SCN10A: variants seen among roughly 807,000 people sequenced by gnomAD.
The protein encoded by SCN10A is sodium voltage-gated channel alpha subunit 10, also known as sodium channel protein type 10 subunit alpha.
SCN10A carries 162 observed loss-of-function variants against 170.7 expected under a neutral mutation model. The ratio of observed to expected loss-of-function variants is 0.95; its 90% CI spans 0.84 to 1.08. The LOEUF (loss-of-function observed/expected upper bound fraction) is 1.08. Among genes scored for constraint, SCN10A ranks in the 50% least tolerant of loss-of-function variants. The probability of loss-of-function intolerance (pLI) is 0.00; values close to 1 mark genes in which losing one functional copy is unlikely to be tolerated. For missense variants in SCN10A, 2,527 were observed against 2,436.9 expected (o/e 1.04, Z -0.78); for synonymous variants, 985 against 904.6 (o/e 1.09, Z -1.59).
Position 38,725,334 on chromosome 3 carries a change from A to C in SCN10A, c.3088-20T>G, listed in dbSNP as rs11129804. 32 of 1,554,032 alleles carry C rather than the reference A, an allele frequency of 2.1e-5. No individual in the cohort carries two copies. In the African/African-American group the frequency reaches 2.2e-4, roughly 10 times the overall value. ...CTCCTGCTAGTGAGAGAGGGTCCCA[A>C]CTGGGTGCCTGGCCCCACCCTTAGA... On this transcript the variant is annotated intron_variant, in intron 17 of 27. Transcript: ENST00000449082.
intron 8 of SCN10A, among the ~76,000 whole-genome samples, chr3:38,758,190 T>C (rs550538024): frequency 6.6e-6 from 1 of 152,306 alleles, no homozygotes; most frequent in African/African-American, 2.4e-5. Flanking sequence ...AACTTAATTC[T>C]AATCAGTTCC....
In SCN10A at chr3:38,751,080, G is replaced by A. The variant is rs1334387418; in HGVS notation, c.1756-896C>T. Among the ~76,000 whole-genome samples the A allele has an allele frequency of 4.6e-5, 7 of 152,282 alleles. No homozygotes were observed. The South Asian group carries it at 1.2e-3, about 27-fold the overall frequency. On this transcript the variant is annotated intron_variant, in intron 12 of 27. Coordinates refer to ENST00000449082, the MANE Select transcript of SCN10A (RefSeq NM_006514.4). ...GGTTCTGGCCAGGTTTGGTTAATGG[G>A]AGACATAGGCAGGACATTCAAGGAT...
chr3:38,761,884 T>C (rs1199557102), intron 6 of SCN10A, among the ~76,000 whole-genome samples: 1 of 142,624 alleles, frequency 7.0e-6, no homozygotes, highest in South Asian at 2.3e-4. Flanking sequence ...GAGAGAGAGA[T>C]GCAAGAGAGA....
At chr3:38,783,525 G>A (rs2064163455) in intron 4 of SCN10A, among the ~76,000 whole-genome samples, 1 of 151,880 alleles carries the variant, frequency 6.6e-6, no homozygotes, top group South Asian at 2.1e-4. Context: ...TTATTGTTGT[G>A]CAGCACTAAA....
At chr3:38,788,292 C>A (rs1038352879) in intron 4 of SCN10A, among the ~76,000 whole-genome samples, 8 of 149,912 alleles carry the variant, frequency 5.3e-5, no homozygotes, top group Non-Finnish European at 8.9e-5. Flanking sequence ...TAGGTTCAAG[C>A]TGGAGTGGAA....
chr3:38,763,626 TGCAA>T (rs1301504763), intron 5 of SCN10A, 30 bp from the exon 6 acceptor site: 2 of 1,549,930 alleles, frequency 1.3e-6, no homozygotes, highest in Admixed American at 1.7e-5. Flanking sequence ...TCAGCATCTC[TGCAA>T]GCAAGGGTCC....
At chr3:38,763,220 C>T (rs1406157435) in intron 6 of SCN10A, among the ~76,000 whole-genome samples, 2 of 152,112 alleles carry the variant, frequency 1.3e-5, no homozygotes, top group Non-Finnish European at 1.5e-5. Context: ...ACAACCAGAA[C>T]AGAAAGTGAA....
At chr3:38,813,547 C>T (rs537707673) in intron 1 of SCN10A, among the ~76,000 whole-genome samples, 1 of 152,182 alleles carries the variant, frequency 6.6e-6, no homozygotes, top group African/African-American at 2.4e-5. Flanking sequence ...GGCCATGTCA[C>T]AATTGATGAA....
At chr3:38,808,033 C>T (rs2064416426) in intron 1 of SCN10A, among the ~76,000 whole-genome samples, 1 of 152,208 alleles carries the variant, frequency 6.6e-6, no homozygotes. Context: ...AAAGGCTTCT[C>T]AACCTCTTTG....
At chr3:38,764,270 C>G (rs1410290355) in intron 5 of SCN10A, among the ~76,000 whole-genome samples, 1 of 152,160 alleles carries the variant, frequency 6.6e-6, no homozygotes, top group Non-Finnish European at 1.5e-5. Context: ...TTGGGTTGCA[C>G]AGAAAAATTC....
intron 14 of SCN10A, among the ~76,000 whole-genome samples, chr3:38,741,386 C>T (rs768526554): frequency 2.6e-5 from 4 of 152,058 alleles, no homozygotes; most frequent in Non-Finnish European, 5.9e-5. Context: ...GCCGGTCTGT[C>T]TGGGTTCAAA....
chr3:38,786,691 T>G (rs930184536), intron 4 of SCN10A, among the ~76,000 whole-genome samples: 6 of 152,260 alleles, frequency 3.9e-5, no homozygotes, highest in Admixed American at 6.5e-5. Flanking sequence ...CACCTAGAAT[T>G]GATTCTTGTG....
intron 1 of SCN10A, among the ~76,000 whole-genome samples, chr3:38,802,694 T>C (rs919516558): frequency 6.6e-6 from 1 of 151,982 alleles, no homozygotes; most frequent in Non-Finnish European, 1.5e-5. Context: ...ACCATAAAAA[T>C]CCTAGAAGAA....
At chr3:38,814,391 T>C (rs531950267) in intron 1 of SCN10A, among the ~76,000 whole-genome samples, 45 of 152,266 alleles carry the variant, frequency 3.0e-4, no homozygotes, top group Non-Finnish European at 4.4e-4. Context: ...AAGGGGAATC[T>C]TGGGGCTGAC....
intron 11 of SCN10A, among the ~76,000 whole-genome samples, chr3:38,753,427 C>T (rs1053278113): frequency 2.0e-5 from 3 of 152,162 alleles, no homozygotes; most frequent in African/African-American, 7.2e-5. Flanking sequence ...TCCTTAACTC[C>T]TTTTTATTAC....
chr3:38,776,288 C>T (rs941698756), intron 4 of SCN10A, among the ~76,000 whole-genome samples: 11 of 152,014 alleles, frequency 7.2e-5, no homozygotes, highest in Non-Finnish European at 1.6e-4. Context: ...CAATGGAGGC[C>T]ATTCATTACT....
intron 27 of SCN10A, among the ~76,000 whole-genome samples, chr3:38,699,141 T>C (rs1324591042): frequency 6.6e-6 from 1 of 151,564 alleles, no homozygotes; most frequent in Non-Finnish European, 1.5e-5. Context: ...GGCAACTGGC[T>C]GACAGCTAAA....
At chr3:38,708,417 C>T (rs1426041435) in intron 25 of SCN10A, among the ~76,000 whole-genome samples, 1 of 152,136 alleles carries the variant, frequency 6.6e-6, no homozygotes, top group Non-Finnish European at 1.5e-5. Context: ...ATGATTGCTT[C>T]AATAATCTCA....
At chr3:38,727,253 C>T (rs1276861712) in intron 16 of SCN10A, among the ~76,000 whole-genome samples, 4 of 152,210 alleles carry the variant, frequency 2.6e-5, no homozygotes, top group African/African-American at 9.6e-5. Context: ...TGACCCGCCT[C>T]AGTGGACGAG....
Sources: allele counts gnomAD v4.1 joint callset (sites outside exome capture counted in the v4.1 genomes callset), GRCh38; gene constraint gnomAD v4.1.1; transcripts MANE v1.5; gene names NCBI Gene and HGNC (gene_info 2026-07-23, HGNC 2026-07-21).